RADX: variants seen among roughly 807,000 people sequenced by gnomAD.
RADX encodes the protein RPA1 related single stranded DNA binding protein, X-linked.
Under a neutral mutation model 61.6 loss-of-function variants are expected in RADX, and 36 were observed. That is an observed-to-expected ratio of 0.58 (90% confidence interval 0.45 to 0.77). The LOEUF is 0.77. Among genes scored for constraint, RADX ranks in the 30% least tolerant of loss-of-function variants. RADX has a pLI of 0.00. For synonymous variants in RADX, 272 were observed against 237.9 expected (o/e 1.14, Z -1.32); for missense variants, 497 against 651.1 (o/e 0.76, Z 2.58).
Position 106,678,455 on chromosome X carries a change from T to A in RADX, c.*197T>A. On this transcript the variant is annotated 3_prime_UTR_variant, in exon 14 of 14. Coordinates refer to ENST00000372548, the MANE Select transcript of RADX (RefSeq NM_018015.6). ...ATTTCAGATTCATTATTGAAAAAGG[T>A]CATCAAAATAATTTTTGTGTATAAG... 3.1e-6 allele frequency: 1 copy of A among 321,048 alleles called. No homozygotes were observed. The highest frequency in any genetic ancestry group is 5.5e-6 in the Non-Finnish European group (1 of 183,300). The allele number at this position is 321,048 out of a possible 1,213,427, so 26.5% of individuals were successfully genotyped here. A position where few individuals can be genotyped will look rare whatever the true frequency, so the allele number is the denominator to read the frequency against.
intron 1 of RADX, among the ~76,000 whole-genome samples, chrX:106,615,644 G>A (rs1259476541): frequency 9.1e-6 from 1 of 110,433 alleles, no homozygotes; most frequent in Non-Finnish European, 1.9e-5. Flanking sequence ...ATAGCATTCT[G>A]AAATTATTTT....
Position 106,640,626 on chromosome X carries a change from T to C in RADX, c.1809T>C (p.Asp603=). Reference sequence around the variant, plus strand: ...AAAGAAATGGTAAACGGCATCAAGATGATGAGCCTGTGAATTCTCAGTATT... The same window carrying C: ...AAAGAAATGGTAAACGGCATCAAGACGATGAGCCTGTGAATTCTCAGTATT... ...IQERNGKRHQ[D]DEPVNSQYFQ... is the part of the protein sequence containing the mutation. The change falls in exon 10 of 14, where the codon GAT becomes GAC. Residue 603 remains aspartate (D), a synonymous_variant. Transcript: ENST00000372548. The C allele has an allele frequency of 2.5e-6, 3 of 1,194,541 alleles. No homozygotes were observed. Among genetic ancestry groups the C allele is most frequent in the Non-Finnish European group, 3.4e-6 (3 of 881,119 alleles).
intron 11 of RADX, among the ~76,000 whole-genome samples, chrX:106,649,117 G>GGTTA (rs1246083005): frequency 9.0e-6 from 1 of 110,910 alleles, no homozygotes; most frequent in Non-Finnish European, 1.9e-5. Flanking sequence ...GATTTATGTG[G>GGTTA]GTTAGTTAAT....
chrX:106,630,368 TAATG>T (rs1241650310), intron 3 of RADX, among the ~76,000 whole-genome samples: 1 of 105,358 alleles, frequency 9.5e-6, no homozygotes, highest in Non-Finnish European at 2.0e-5. Flanking sequence ...AAACACCTAA[TAATG>T]GGTATTTACA....
chrX:106,677,986 C>T, intron 13 of RADX, 142 bp from the exon 14 acceptor site: 1 of 351,647 alleles, frequency 2.8e-6, no homozygotes, highest in Non-Finnish European at 4.9e-6. Flanking sequence ...TTGGTAAATG[C>T]ATGTAATAAA....
chrX:106,620,483 G>T (rs1195060434), intron 1 of RADX, among the ~76,000 whole-genome samples: 1 of 110,249 alleles, frequency 9.1e-6, no homozygotes, highest in Non-Finnish European at 1.9e-5. Context: ...GACCAGCCTG[G>T]CCAACATGGT....
chrX:106,623,078 G>A (rs1418212776), intron 2 of RADX, among the ~76,000 whole-genome samples: 1 of 109,260 alleles, frequency 9.2e-6, no homozygotes, highest in Non-Finnish European at 1.9e-5. Context: ...TGCTTTCTGT[G>A]CCAATATATA....
In RADX at chrX:106,632,979, G is replaced by A; in HGVS notation, c.1136G>A (p.Gly379Asp). ...MPENCICDVI[G>D]LLVFVGRVQR... ...GAAAATTGCATCTGTGATGTTATTG[G>A]CCTTTTAGTTTTTGTAGGAAGGGTC... The change falls in exon 5 of 14, where the codon GGC (glycine) becomes GAC (aspartate). Residue 379 changes from glycine to aspartate, a missense_variant. Gly to Asp is a moderately conservative substitution (Grantham distance 94). This residue lies in a region of RADX where 196 missense variants were observed against 315.0 expected (regional missense o/e 0.62). Transcript: ENST00000372548. 8.3e-7 allele frequency: 1 copy of A among 1,210,530 alleles called. No homozygotes were observed. The highest frequency in any genetic ancestry group is 1.1e-6 in the Non-Finnish European group (1 of 894,511).
chrX:106,618,063 G>A (rs940948886), intron 1 of RADX, among the ~76,000 whole-genome samples: 1 of 111,442 alleles, frequency 9.0e-6, no homozygotes, highest in East Asian at 2.8e-4. Flanking sequence ...AAAAGAGAGG[G>A]GTTTAAAGAT....
At chrX:106,627,890 C>T (rs1480154455) in intron 3 of RADX, among the ~76,000 whole-genome samples, 2 of 111,419 alleles carry the variant, frequency 1.8e-5, no homozygotes, top group Non-Finnish European at 3.8e-5. Context: ...GGCTGGAGTG[C>T]AGTTGTGCAA....
chrX:106,654,851 C>G (rs1220011398), intron 11 of RADX, among the ~76,000 whole-genome samples: 12 of 111,322 alleles, frequency 1.1e-4, no homozygotes, highest in African/African-American at 3.3e-4. Context: ...TGCAATGTAT[C>G]CATCTGACAA....
intron 13 of RADX, among the ~76,000 whole-genome samples, chrX:106,676,308 C>T (rs1291399354): frequency 1.8e-5 from 2 of 112,266 alleles, no homozygotes; most frequent in South Asian, 3.7e-4. Flanking sequence ...TTTACTGTGA[C>T]GCTAATGTAG....
intron 12 of RADX, among the ~76,000 whole-genome samples, chrX:106,662,924 GT>G (rs5903285): frequency 0.12 from 11,817 of 101,806 alleles, 1,615 homozygotes; most frequent in African/African-American, 0.39. Flanking sequence ...TTAAAACTTA[GT>G]TTTTTTTTTT....
At chrX:106,651,203 C>G (rs1321807039) in intron 11 of RADX, among the ~76,000 whole-genome samples, 1 of 110,844 alleles carries the variant, frequency 9.0e-6, no homozygotes, top group Non-Finnish European at 1.9e-5. Context: ...AGATAAACAT[C>G]CTTAAAACTA....
chrX:106,614,034 T>C (rs967320111), intron 1 of RADX, among the ~76,000 whole-genome samples: 1 of 112,198 alleles, frequency 8.9e-6, no homozygotes. Flanking sequence ...AATCTGTATA[T>C]TTGAAAGTAT....
intron 11 of RADX, among the ~76,000 whole-genome samples, chrX:106,655,028 A>T (rs1927902704): frequency 8.9e-6 from 1 of 111,798 alleles, no homozygotes; most frequent in African/African-American, 3.2e-5. Flanking sequence ...TACCTCAGAG[A>T]TATTGTGGGT....
Position 106,633,012 on chromosome X carries a change from CA to C in RADX, c.1175del (p.Lys392ArgfsTer26). 1 of 1,202,974 alleles carries C rather than the reference CA, an allele frequency of 8.3e-7. No homozygotes were observed. The highest frequency in any genetic ancestry group is 1.1e-6 in the Non-Finnish European group (1 of 889,992). ...GTTTTTGTAGGAAGGGTCCAGCGGT[CA>C]AAAAAGAAAGGTAAGCTTTTAAAAT... ...LLVFVGRVQR[S>X]KKKENREDFW... On this transcript the variant is annotated frameshift_variant, in exon 5 of 14. Coordinates refer to ENST00000372548, the MANE Select transcript of RADX (RefSeq NM_018015.6). LOFTEE classifies it high-confidence loss of function.
intron 10 of RADX, among the ~76,000 whole-genome samples, chrX:106,644,956 G>A (rs1319280384): frequency 9.0e-6 from 1 of 110,747 alleles, no homozygotes; most frequent in East Asian, 2.8e-4. Context: ...CTTGTTATTG[G>A]TCTGTTCAGG....
At chrX:106,652,335 T>A (rs1020667215) in intron 11 of RADX, among the ~76,000 whole-genome samples, 1 of 110,693 alleles carries the variant, frequency 9.0e-6, no homozygotes, top group Non-Finnish European at 1.9e-5. Flanking sequence ...AAAGAAATTT[T>A]TTTTAAGAGA....
Sources: gnomAD v4.1 joint callset for allele counts (sites outside exome capture counted in the v4.1 genomes callset) on GRCh38, gnomAD v4.1.1 for gene constraint, gnomAD v4.1.1 regional missense constraint, MANE v1.5 for transcripts, NCBI Gene and HGNC (gene_info 2026-07-23, HGNC 2026-07-21) for gene names.